LUZP2: variants seen among roughly 807,000 people sequenced by gnomAD.
LUZP2 encodes leucine zipper protein 2.
A neutral mutation model predicts 51.6 loss-of-function variants in LUZP2; 52 were observed. The observed-to-expected ratio is 1.01, with a 90% CI of 0.81 to 1.27. The LOEUF is 1.27. Ranked by LOEUF, LUZP2 falls within the 50% of genes most tolerant of loss-of-function variation. The pLI, the probability that LUZP2 is intolerant of heterozygous loss-of-function variation, is 0.00. For synonymous variants in LUZP2, 154 were observed against 137.3 expected (o/e 1.12, Z -0.85); for missense variants, 436 against 395.4 (o/e 1.10, Z -0.87).
At chr11:24,811,883 G>A (rs1850033946) in intron 5 of LUZP2, among the ~76,000 whole-genome samples, 1 of 152,136 alleles carries the variant, frequency 6.6e-6, no homozygotes. Flanking sequence ...TCAAAGGTCA[G>A]CGAATGGGGC....
chr11:24,505,279 A>G (rs1425656244), intron 1 of LUZP2, among the ~76,000 whole-genome samples: 1 of 152,074 alleles, frequency 6.6e-6, no homozygotes, highest in African/African-American at 2.4e-5. Flanking sequence ...TGATAAATGG[A>G]GTCGGGGAGT....
At chr11:24,751,166 C>T (rs971892865) in intron 4 of LUZP2, among the ~76,000 whole-genome samples, 21 of 151,906 alleles carry the variant, frequency 1.4e-4, no homozygotes, top group African/African-American at 4.4e-4. Context: ...AACTCATTCC[C>T]CCAAATGATA....
intron 5 of LUZP2, among the ~76,000 whole-genome samples, chr11:24,783,523 G>T (rs1047769418): frequency 6.6e-6 from 1 of 151,754 alleles, no homozygotes; most frequent in African/African-American, 2.4e-5. Context: ...TCCAAGTAAG[G>T]TTCTAACATT....
At chr11:24,637,496 C>T (rs1026569668) in intron 1 of LUZP2, among the ~76,000 whole-genome samples, 3 of 151,750 alleles carry the variant, frequency 2.0e-5, no homozygotes, top group Non-Finnish European at 4.4e-5. Flanking sequence ...CCTGTGGGGT[C>T]GGGCAGAATA....
At chr11:24,962,443 T>G (rs1008424311) in intron 7 of LUZP2, among the ~76,000 whole-genome samples, 1 of 152,210 alleles carries the variant, frequency 6.6e-6, no homozygotes, top group Non-Finnish European at 1.5e-5. Flanking sequence ...GTCCCATATT[T>G]CTTGGAGGCT....
chr11:24,616,863 T>C (rs1406576293), intron 1 of LUZP2, among the ~76,000 whole-genome samples: 1 of 152,208 alleles, frequency 6.6e-6, no homozygotes, highest in African/African-American at 2.4e-5. Context: ...GTTAAATCTG[T>C]ATATCAAGTT....
intron 5 of LUZP2, among the ~76,000 whole-genome samples, chr11:24,899,971 T>C (rs1853222549): frequency 6.6e-6 from 1 of 152,156 alleles, no homozygotes; most frequent in South Asian, 2.1e-4. Flanking sequence ...AATGAAAGTC[T>C]CTTTTGTTAT....
chr11:25,029,574 T>C (rs1404982218), intron 9 of LUZP2, among the ~76,000 whole-genome samples: 1 of 151,936 alleles, frequency 6.6e-6, no homozygotes, highest in Non-Finnish European at 1.5e-5. Context: ...CCATCTCTGC[T>C]AAAATTACAA....
chr11:24,728,315 A>AACAC (rs57635363), intron 1 of LUZP2, among the ~76,000 whole-genome samples: 33 of 151,002 alleles, frequency 2.2e-4, no homozygotes, highest in African/African-American at 6.6e-4. Context: ...ATTAAACACA[A>AACAC]ACACACACAC....
chr11:25,044,219 ATG>A (rs1239215311), intron 9 of LUZP2, among the ~76,000 whole-genome samples: 1 of 106,452 alleles, frequency 9.4e-6, no homozygotes, highest in Admixed American at 1.1e-4. Context: ...GTATATATAT[ATG>A]TGTGTGTATG....
chr11:24,729,387 G>C (rs1317578297), intron 2 of LUZP2, 101 bp downstream of exon 2: 2 of 576,174 alleles, frequency 3.5e-6, no homozygotes, highest in Non-Finnish European at 6.0e-6. Context: ...ATGTGTTTCT[G>C]GGCTTGACCA....
At chr11:24,716,042 A>G (rs1858029425) in intron 1 of LUZP2, among the ~76,000 whole-genome samples, 1 of 152,196 alleles carries the variant, frequency 6.6e-6, no homozygotes, top group Admixed American at 6.5e-5. Flanking sequence ...TATGAGAATT[A>G]AATGATATTG....
At chr11:24,553,190 G>C (rs570618967) in intron 1 of LUZP2, among the ~76,000 whole-genome samples, 2 of 151,540 alleles carry the variant, frequency 1.3e-5, no homozygotes, top group Non-Finnish European at 2.9e-5. Flanking sequence ...ATTTCTGTGC[G>C]TGTTGAATAA....
chr11:25,031,032 A>G (rs1182765415), intron 9 of LUZP2, among the ~76,000 whole-genome samples: 13 of 54,756 alleles, frequency 2.4e-4, no homozygotes, highest in African/African-American at 9.6e-4. Context: ...TTTTTTTTTG[A>G]GACAGAGTCT....
chr11:24,815,011 AAT>A (rs1564930046), intron 5 of LUZP2, among the ~76,000 whole-genome samples: 2 of 145,558 alleles, frequency 1.4e-5, no homozygotes, highest in African/African-American at 5.4e-5. Flanking sequence ...AAAAAATAAA[AAT>A]AATCAATGTG....
chr11:24,633,765 A>G (rs1297386792), intron 1 of LUZP2, among the ~76,000 whole-genome samples: 2 of 151,958 alleles, frequency 1.3e-5, no homozygotes, highest in Admixed American at 1.3e-4. Flanking sequence ...GTGGCTGCTT[A>G]TATTTATAGG....
rs771864324 is a variant in LUZP2 at position 24,738,249 on chromosome 11, C to G, written c.280C>G (p.Leu94Val). 1 of 1,612,402 alleles carries G rather than the reference C, an allele frequency of 6.2e-7. No homozygotes were observed. Among genetic ancestry groups the G allele is most frequent in the Admixed American group, 1.7e-5 (1 of 59,846 alleles). Residue 94 changes from leucine (L) to valine (V), a missense_variant, in exon 4 of 12, where the codon CTG becomes GTG. Physicochemically the swap from Leu to Val is conservative, Grantham distance 32. Transcript: ENST00000336930. ...REEMKSLQEA[L>V]QNQLKETSEK... is the part of the protein sequence containing the mutation. ...AGAAATGAAGTCTCTTCAGGAGGCC[C>G]TGCAAAATCAGCTTAAGGAGACATC...
chr11:24,922,533 G>T lies in LUZP2; in HGVS notation c.522+7995G>T, dbSNP rs563411471. 1.3e-3 allele frequency among the ~76,000 whole-genome samples: 197 copies of T among 152,240 alleles called. 3 individuals carry two copies. The highest frequency in any genetic ancestry group is 3.2e-4 in the Non-Finnish European group (22 of 68,012). ...TAAACTAATTTTTAATGAGCAAAAT[G>T]CTTTTCAGTGCCATTTACTTCTAAC... On this transcript the variant is annotated intron_variant, in intron 7 of 11. Coordinates refer to ENST00000336930, the MANE Select transcript of LUZP2 (RefSeq NM_001009909.4).
intron 1 of LUZP2, among the ~76,000 whole-genome samples, chr11:24,539,424 T>C (rs1285455499): frequency 6.6e-6 from 1 of 151,960 alleles, no homozygotes; most frequent in Admixed American, 6.6e-5. Context: ...TAATGCTAAT[T>C]ATAATAACTA....
Sources: gnomAD v4.1 joint callset for allele counts (sites outside exome capture counted in the v4.1 genomes callset) on GRCh38, gnomAD v4.1.1 for gene constraint, MANE v1.5 for transcripts, NCBI Gene and HGNC (gene_info 2026-07-23, HGNC 2026-07-21) for gene names.